The following DYM variants were observed in gnomAD, a reference collection of about 807,000 sequenced individuals.
The protein encoded by DYM is dymeclin.
Under a neutral mutation model 93.1 loss-of-function variants are expected in DYM, and 78 were observed. That is an observed-to-expected ratio of 0.84 (90% CI 0.70 to 1.01). DYM has a LOEUF of 1.01. Among genes scored for constraint, DYM ranks in the 50% least tolerant of loss-of-function variants. The probability of loss-of-function intolerance (pLI) is 0.00; values close to 1 mark genes in which losing one functional copy is unlikely to be tolerated. For missense variants in DYM, 789 were observed against 845.0 expected, an observed-to-expected ratio of 0.93 and a Z score of 0.82; for synonymous variants, 321 against 319.7, an observed-to-expected ratio of 1.00 and a Z score of -0.04.
intron 15 of DYM, among the ~76,000 whole-genome samples, chr18:49,159,543 A>T (rs943773872): frequency 6.6e-6 from 1 of 152,224 alleles, no homozygotes. Flanking sequence ...GATGAAAATA[A>T]ATTTCATATG....
intron 1 of DYM, among the ~76,000 whole-genome samples, chr18:49,455,021 T>C (rs1052742460): frequency 6.6e-6 from 1 of 151,614 alleles, no homozygotes; most frequent in African/African-American, 2.4e-5. Flanking sequence ...TCTATTAGAC[T>C]TTCCACTCCT....
At chr18:49,386,451 T>C (rs2068633472) in intron 3 of DYM, among the ~76,000 whole-genome samples, 1 of 152,192 alleles carries the variant, frequency 6.6e-6, no homozygotes. Flanking sequence ...TGATACGGTG[T>C]GTTGAGAACA....
chr18:49,268,017 T>C (rs918292215), intron 11 of DYM, among the ~76,000 whole-genome samples: 3 of 152,222 alleles, frequency 2.0e-5, no homozygotes, highest in African/African-American at 7.2e-5. Context: ...GAGGTCTCTC[T>C]TACTTTTCTT....
At chr18:49,243,728 C>T (rs11082743) in intron 13 of DYM, among the ~76,000 whole-genome samples, 97,510 of 150,678 alleles carry the variant, frequency 0.65, 32,699 homozygotes, top group Non-Finnish European at 0.74. Context: ...TCTTTAGTTT[C>T]TCAGAGAACA....
At position 49,184,622 on chromosome 18, in the gene DYM, A is replaced by G. The variant is rs145890669; in HGVS notation, c.1626-20835T>C. Among the ~76,000 whole-genome samples, 53 of 152,328 alleles carry G rather than the reference A, an allele frequency of 3.5e-4. 1 individual carries two copies. In the East Asian group the frequency reaches 8.5e-3, roughly 24 times the overall value. ...TGATAACTGAGATGGCTGCTAAGTA[A>G]TGGCTGTTAAGTGACTAATGGGCAG... On this transcript the variant is annotated intron_variant, in intron 14 of 17. Coordinates refer to ENST00000675505, the MANE Select transcript of DYM (RefSeq NM_001353214.3).
rs60775305 is a variant in DYM, at chr18:49,313,462, C to CAAAAAAAAAAAAA, written c.763+18389_763+18401dup. On this transcript the variant is annotated intron_variant, in intron 8 of 17. Coordinates refer to ENST00000675505, the MANE Select transcript of DYM (RefSeq NM_001353214.3). ...TCGGCAACAGAGCAAGACTCTGTCACAAAAAAAAAAAAAAAAAAAAAAAAA... is the reference window on the plus strand; with the variant it reads ...TCGGCAACAGAGCAAGACTCTGTCACAAAAAAAAAAAAAAAAAAAAAAAAAAAAAAAAAAAAAA... Among the ~76,000 whole-genome samples, 11 of 28,562 alleles carry CAAAAAAAAAAAAA rather than the reference C, an allele frequency of 3.9e-4. 1 individual carries two copies. Among genetic ancestry groups the CAAAAAAAAAAAAA allele is most frequent in the East Asian group, 6.3e-4 (1 of 1,598 alleles). 18.7% of individuals were successfully genotyped at this position (28,562 alleles called of 152,430 possible).
chr18:49,177,452 T>C (rs1013039855), intron 14 of DYM, among the ~76,000 whole-genome samples: 4 of 152,202 alleles, frequency 2.6e-5, no homozygotes, highest in African/African-American at 9.6e-5. Context: ...GAATCTCAAC[T>C]GGAACTTTGA....
intron 12 of DYM, among the ~76,000 whole-genome samples, chr18:49,257,654 C>T (rs2094414085): frequency 6.6e-6 from 1 of 150,626 alleles, no homozygotes; most frequent in African/African-American, 2.4e-5. Context: ...CAAGACCAGC[C>T]TGGGCAACAT....
chr18:49,118,288 C>T (rs1043765411), intron 16 of DYM, among the ~76,000 whole-genome samples: 6 of 151,784 alleles, frequency 4.0e-5, no homozygotes, highest in African/African-American at 9.7e-5. Context: ...GCTTTAAAAC[C>T]ATATCAAAAA....
chr18:49,118,724 A>G lies in DYM; in HGVS notation c.1911+20T>C, dbSNP rs574964911. The G allele has an allele frequency of 1.7e-5, 27 of 1,601,360 alleles. No homozygotes were observed. In the East Asian group the frequency reaches 5.6e-4, roughly 33 times the overall value. Reference sequence around the variant, plus strand: ...AATACTTAAAAAAGAATCATAATAAATGTCTTCATTTACACTCACCAGATC... The same window carrying G: ...AATACTTAAAAAAGAATCATAATAAGTGTCTTCATTTACACTCACCAGATC... On this transcript the variant is annotated intron_variant, in intron 16 of 17. Coordinates refer to ENST00000675505, the MANE Select transcript of DYM (RefSeq NM_001353214.3).
intron 16 of DYM, among the ~76,000 whole-genome samples, chr18:49,104,423 G>A (rs1384735899): frequency 6.6e-6 from 1 of 152,070 alleles, no homozygotes; most frequent in Admixed American, 6.5e-5. Flanking sequence ...CTGCCTGATT[G>A]CCCTGGCCTG....
intron 10 of DYM, among the ~76,000 whole-genome samples, chr18:49,281,671 G>T (rs1283063177): frequency 6.6e-6 from 1 of 152,126 alleles, no homozygotes; most frequent in Non-Finnish European, 1.5e-5. Context: ...GATGAAGCTG[G>T]AAACCATCAT....
intron 6 of DYM, among the ~76,000 whole-genome samples, chr18:49,362,295 C>G (rs1195754635): frequency 2.0e-5 from 3 of 152,020 alleles, no homozygotes; most frequent in Non-Finnish European, 2.9e-5. Context: ...GCTGGGAGTT[C>G]GAGACCAACC....
rs575711812 is a variant in DYM, at chr18:49,063,438, C to T, written c.2026-19234G>A. ...AATATATACATGAAAAACACTGTTA[C>T]AGGACTAAGAAACTAAATGTGGTTT... is the stretch of plus-strand genomic sequence containing the variant. On this transcript the variant is annotated intron_variant, in intron 17 of 17. Coordinates refer to ENST00000675505, the MANE Select transcript of DYM (RefSeq NM_001353214.3). Among the ~76,000 whole-genome samples the T allele has an allele frequency of 1.1e-4, 17 of 151,168 alleles. No homozygotes were observed. The South Asian group carries it at 3.5e-3, about 31-fold the overall frequency.
At position 49,441,597 on chromosome 18, in the gene DYM, G is replaced by A. The variant is rs556288744; in HGVS notation, c.-53-11150C>T. On this transcript the variant is annotated intron_variant, in intron 1 of 17. Coordinates refer to ENST00000675505, the MANE Select transcript of DYM (RefSeq NM_001353214.3). The stretch of plus-strand genomic sequence containing the variant: ...TTGGGTATTCCCCGCCCAATGAAAC[G>A]AAAGCAATGGAAAGAAAGATATAAA... Among the ~76,000 whole-genome samples the A allele has an allele frequency of 4.0e-5, 6 of 151,256 alleles. No individual in the cohort carries two copies. In the South Asian group the frequency reaches 8.3e-4, roughly 21 times the overall value.
At chr18:49,177,386 C>T (rs775753295) in intron 14 of DYM, among the ~76,000 whole-genome samples, 16 of 152,134 alleles carry the variant, frequency 1.1e-4, no homozygotes, top group South Asian at 2.1e-4. Context: ...CCTATAACTA[C>T]GTTATAACAC....
At chr18:49,363,070 A>C in intron 6 of DYM, 91 bp downstream of exon 6, 1 of 1,006,916 alleles carries the variant, frequency 9.9e-7, no homozygotes, top group Non-Finnish European at 1.6e-6. Context: ...TATAAGTTCT[A>C]TACAAGGACC....
At chr18:49,097,317 G>A (rs2079632450) in intron 17 of DYM, 85 bp downstream of exon 17, 1 of 1,223,954 alleles carries the variant, frequency 8.2e-7, no homozygotes, top group Non-Finnish European at 1.2e-6. Context: ...TAAGCAGCAT[G>A]ATTCTGGATA....
intron 8 of DYM, among the ~76,000 whole-genome samples, chr18:49,313,652 A>G (rs1428099824): frequency 6.6e-6 from 1 of 152,062 alleles, no homozygotes; most frequent in East Asian, 1.9e-4. Flanking sequence ...CTGTCTACGG[A>G]GTCGCCATTC....
Sources: gnomAD v4.1 joint callset for allele counts (sites outside exome capture counted in the v4.1 genomes callset) on GRCh38, gnomAD v4.1.1 for gene constraint, MANE v1.5 for transcripts, NCBI Gene and HGNC (gene_info 2026-07-23, HGNC 2026-07-21) for gene names.